The following TTLL1 variants were observed in gnomAD, a reference collection of about 807,000 sequenced individuals.
TTLL1 encodes the protein TTL family tubulin polyglutamylase complex subunit L1, also known as polyglutamylase complex subunit TTLL1.
A neutral mutation model predicts 47.8 loss-of-function variants in TTLL1; 33 were observed. The observed-to-expected ratio is 0.69, with a 90% CI of 0.52 to 0.92. The LOEUF is 0.92. TTLL1 is among the 40% of genes least tolerant of loss of function. The pLI, the probability that TTLL1 is intolerant of heterozygous loss-of-function variation, is 0.00. For missense variants in TTLL1, 488 were observed against 547.5 expected, an observed-to-expected ratio of 0.89 and a Z score of 1.08; for synonymous variants, 225 against 214.1, an observed-to-expected ratio of 1.05 and a Z score of -0.45.
chr22:43,081,613 G>A (rs894222595), intron 1 of TTLL1, among the ~76,000 whole-genome samples: 4 of 150,256 alleles, frequency 2.7e-5, no homozygotes, highest in African/African-American at 7.4e-5. Context: ...GCAGTGGCGC[G>A]ATCTCAGCTC....
In TTLL1 at chr22:43,046,423, T is replaced by C; in HGVS notation, c.1129A>G (p.Asn377Asp). 6.2e-7 allele frequency: 1 copy of C among 1,614,048 alleles called. No homozygotes were observed. Reference sequence around the variant, plus strand: ...ACACACACTTACAGAATCTCGTAATTGCCGAGGACTTCCTTAGGTGGCGAC... The same window carrying C: ...ACACACACTTACAGAATCTCGTAATCGCCGAGGACTTCCTTAGGTGGCGAC... Reference protein sequence around the residue: ...NKSPPKEVLGNYEILYDEELA... With the variant: ...NKSPPKEVLGDYEILYDEELA... Residue 377 changes from asparagine to aspartate, a missense_variant, in exon 10 of 11, where the codon AAT becomes GAT. Transcript: ENST00000266254.
intron 10 of TTLL1, among the ~76,000 whole-genome samples, chr22:43,044,937 A>G (rs896593450): frequency 6.6e-6 from 1 of 150,654 alleles, no homozygotes; most frequent in African/African-American, 2.5e-5. Flanking sequence ...ATTTGGGCTC[A>G]CTGCAACCTC....
At chr22:43,086,719 C>T (rs2146998397) in intron 1 of TTLL1, among the ~76,000 whole-genome samples, 1 of 152,226 alleles carries the variant, frequency 6.6e-6, no homozygotes, top group African/African-American at 2.4e-5. Flanking sequence ...CAGCTCCACT[C>T]CAGAAGATTC....
chr22:43,051,927 G>A lies in TTLL1; in HGVS notation c.892-40C>T, dbSNP rs376261757. On this transcript the variant is annotated intron_variant, in intron 8 of 10. Transcript: ENST00000266254. ...ACCAGTGGGTGACATGGCCAGCATC[G>A]AAGGGCGCAGCCGAGACCAACGCCA... The A allele has an allele frequency of 9.4e-6, 15 of 1,597,136 alleles. No individual in the cohort carries two copies. The African/African-American group carries it at 1.1e-4, about 11-fold the overall frequency.
At position 43,051,666 on chromosome 22, in the gene TTLL1, A is replaced by G. The variant is rs150240790; in HGVS notation, c.978+135T>C. Reference sequence around the variant, plus strand: ...TACCTTAACCATCAGCAAACAATCAAACTCGAACATCAGTCCCCTTCCTGC... The same window carrying G: ...TACCTTAACCATCAGCAAACAATCAGACTCGAACATCAGTCCCCTTCCTGC... On this transcript the variant is annotated intron_variant, in intron 9 of 10. Transcript: ENST00000266254. The G allele has an allele frequency of 2.2e-3, 1,864 of 838,214 alleles. 5 individuals carry two copies. The highest frequency in any genetic ancestry group is 3.2e-3 in the Non-Finnish European group (1,577 of 495,728). 51.9% of individuals were successfully genotyped at this position (838,214 alleles called of 1,614,324 possible). A position where few individuals can be genotyped will look rare whatever the true frequency, so the allele number is the denominator to read the frequency against.
intron 8 of TTLL1, among the ~76,000 whole-genome samples, chr22:43,056,203 A>G (rs1926989639): frequency 6.6e-6 from 1 of 151,974 alleles, no homozygotes; most frequent in South Asian, 2.1e-4. Context: ...TACTAAAAAT[A>G]CAAAAATTAG....
intron 1 of TTLL1, among the ~76,000 whole-genome samples, chr22:43,084,962 CTTTTTTTTTTTTT>C (rs148980685): frequency 8.9e-6 from 1 of 112,732 alleles, no homozygotes. Flanking sequence ...AAGCTGCCAC[CTTTTTTTTTTTTT>C]TTTTTTTTTT....
chr22:43,067,111 G>A (rs1031936329), intron 5 of TTLL1, among the ~76,000 whole-genome samples: 10 of 152,214 alleles, frequency 6.6e-5, no homozygotes, highest in African/African-American at 2.4e-4. Flanking sequence ...TTGCCCCGGT[G>A]GGCCCCGGGC....
intron 8 of TTLL1, among the ~76,000 whole-genome samples, chr22:43,054,975 A>G (rs867272353): frequency 5.4e-5 from 8 of 148,896 alleles, no homozygotes; most frequent in Non-Finnish European, 1.2e-4. Context: ...CCGCCCGCCT[A>G]GGCCTCCCAA....
chr22:43,065,788 G>C lies in TTLL1; in HGVS notation c.504-1464C>G, dbSNP rs537530222. On this transcript the variant is annotated intron_variant, in intron 5 of 10. Coordinates refer to ENST00000266254, the MANE Select transcript of TTLL1 (RefSeq NM_012263.5). ...AATTCTGGTAGGGGATGCTGATAAGGGGGGAGGCCGTGCATGTGTGGGGAA... is the reference window on the plus strand; with the variant it reads ...AATTCTGGTAGGGGATGCTGATAAGCGGGGAGGCCGTGCATGTGTGGGGAA... Among the ~76,000 whole-genome samples the C allele has an allele frequency of 9.9e-5, 15 of 152,134 alleles. 1 individual carries two copies. The South Asian group carries it at 2.7e-3, about 27-fold the overall frequency.
At chr22:43,044,497 T>C (rs1372542234) in intron 10 of TTLL1, among the ~76,000 whole-genome samples, 2 of 152,224 alleles carry the variant, frequency 1.3e-5, no homozygotes, top group Non-Finnish European at 2.9e-5. Flanking sequence ...TCTCTGTGTG[T>C]GTGTGTAAAT....
intron 3 of TTLL1, chr22:43,070,168 T>A: frequency 7.2e-7 from 1 of 1,382,348 alleles, no homozygotes; most frequent in South Asian, 1.2e-5. Flanking sequence ...ATAAAAGATA[T>A]ACCCTTTTCA....
chr22:43,040,397 G>C (rs1051879370), intron 10 of TTLL1: 3 of 154,322 alleles, frequency 1.9e-5, no homozygotes, highest in Non-Finnish European at 4.3e-5. Flanking sequence ...GAGGCCCCAC[G>C]GTGCACACTC....
rs772921661 is a variant in TTLL1 at position 43,039,855 on chromosome 22, C to T, written c.1193G>A (p.Ser398Asn). Residue 398 changes from serine to asparagine, a missense_variant, in exon 11 of 11, where the codon AGC (serine) becomes AAC (asparagine). By Grantham distance (46) the Ser-to-Asn change is conservative. Transcript: ENST00000266254. ...QGDGADRELR[S>N]RQGQSLGPRA... ...GGGCCCCAGAGACTGACCCTGACGG[C>T]TTCTCAGCTCCCGGTCAGCCCCGTC... is the stretch of plus-strand genomic sequence containing the variant. The T allele has an allele frequency of 3.7e-6, 6 of 1,613,922 alleles. No homozygotes were observed. In the Admixed American group the frequency reaches 1.0e-4, roughly 27 times the overall value.
intron 3 of TTLL1, among the ~76,000 whole-genome samples, chr22:43,070,899 ATATGTATGTATG>A (rs957248352): frequency 6.6e-6 from 1 of 152,044 alleles, no homozygotes. Context: ...TAAAAAAGCA[ATATGTATGTATG>A]TATGTATGTA....
At chr22:43,042,923 C>G (rs1367256972) in intron 10 of TTLL1, among the ~76,000 whole-genome samples, 5 of 151,624 alleles carry the variant, frequency 3.3e-5, no homozygotes, top group African/African-American at 9.7e-5. Flanking sequence ...GAGGCTCTGG[C>G]CTCTGCTGCT....
At position 43,068,455 on chromosome 22, in the gene TTLL1, T is replaced by C; in HGVS notation, c.458A>G (p.Lys153Arg). The part of the protein sequence containing the change: ...AQGKGIFLIN[K>R]LSQIKKWSRD... ...GGACCACTTTTTGATCTGTGAGAGCTTGTTGATAAGGAAGATGCCCTTTCC... is the reference window on the plus strand; with the variant it reads ...GGACCACTTTTTGATCTGTGAGAGCCTGTTGATAAGGAAGATGCCCTTTCC... Residue 153 changes from lysine (K) to arginine (R), a missense_variant, in exon 5 of 11, where the codon AAG becomes AGG. Physicochemically the swap from Lys to Arg is conservative, Grantham distance 26. Coordinates refer to ENST00000266254, the MANE Select transcript of TTLL1 (RefSeq NM_012263.5). 6.4e-7 allele frequency: 1 copy of C among 1,560,062 alleles called. No homozygotes were observed. The highest frequency in any genetic ancestry group is 8.8e-7 in the Non-Finnish European group (1 of 1,140,094).
intron 8 of TTLL1, among the ~76,000 whole-genome samples, chr22:43,052,561 G>C (rs757075809): frequency 2.0e-5 from 3 of 151,768 alleles, no homozygotes; most frequent in African/African-American, 4.8e-5. Context: ...GCAACACAGC[G>C]AGACCCCCGC....
At chr22:43,085,052 C>G (rs1929146198) in intron 1 of TTLL1, among the ~76,000 whole-genome samples, 1 of 149,314 alleles carries the variant, frequency 6.7e-6, no homozygotes, top group Non-Finnish European at 1.5e-5. Flanking sequence ...ACTGTAACCT[C>G]CACTTTCCAG....
Sources: allele counts gnomAD v4.1 joint callset (sites outside exome capture counted in the v4.1 genomes callset), GRCh38; gene constraint gnomAD v4.1.1; transcripts MANE v1.5; gene names NCBI Gene and HGNC (gene_info 2026-07-23, HGNC 2026-07-21).